The following PRKDC variants were observed in gnomAD, a reference collection of about 807,000 sequenced individuals.
PRKDC encodes the protein DNA-dependent protein kinase catalytic subunit.
In PRKDC, 82 loss-of-function variants were observed where a neutral mutation model predicts 486.9. The observed-to-expected ratio is 0.17, with a 90% CI of 0.14 to 0.20. The LOEUF (loss-of-function observed/expected upper bound fraction) is 0.20, where lower values mean the gene tolerates loss of function less well. Among genes scored for constraint, PRKDC ranks in the 10% least tolerant of loss-of-function variants. PRKDC has a pLI of 1.00. For missense variants in PRKDC, 4,504 were observed against 5,038.2 expected (o/e 0.89, Z 3.21); for synonymous variants, 1,895 against 1,837.0 (o/e 1.03, Z -0.81).
At chr8:47,830,866 G>T in intron 60 of PRKDC, 130 bp from the exon 61 acceptor site, 1 of 1,111,944 alleles carries the variant, frequency 9.0e-7, no homozygotes, top group Non-Finnish European at 1.3e-6. Flanking sequence ...GCTCGCAGAG[G>T]CTCAGTCGCC....
At position 47,929,989 on chromosome 8, in the gene PRKDC, G is replaced by C; in HGVS notation, c.1916C>G (p.Ala639Gly). 1 of 1,606,146 alleles carries C rather than the reference G, an allele frequency of 6.2e-7. No individual in the cohort carries two copies. The highest frequency in any genetic ancestry group is 2.2e-5 in the East Asian group (1 of 44,670). ...GTACACCCATGGTTCAAAAAATTCT[G>C]CTTGTTTCTCAGGGAGAATCTCTCT... ...FCREILPEKQAEFFEPWVYSF... is the reference protein window; with the variant it reads ...FCREILPEKQGEFFEPWVYSF... Residue 639 changes from alanine to glycine, a missense_variant, in exon 18 of 86, where the codon GCA becomes GGA. Ala to Gly is a moderately conservative substitution (Grantham distance 60). Coordinates refer to ENST00000314191, the MANE Select transcript of PRKDC (RefSeq NM_006904.7).
intron 64 of PRKDC, among the ~76,000 whole-genome samples, chr8:47,823,069 T>C (rs1238563507): frequency 1.3e-5 from 2 of 151,702 alleles, no homozygotes; most frequent in African/African-American, 4.8e-5. Context: ...GGCCATTCCC[T>C]TGGTGATGAG....
At chr8:47,846,369 TCA>T (rs1422318755) in intron 54 of PRKDC, among the ~76,000 whole-genome samples, 1 of 142,428 alleles carries the variant, frequency 7.0e-6, no homozygotes, top group Non-Finnish European at 1.5e-5. Context: ...TGAGCTGAGG[TCA>T]CGCCACTGCA....
At chr8:47,918,485 C>A in intron 21 of PRKDC, 102 bp from the exon 22 acceptor site, 4 of 652,382 alleles carry the variant, frequency 6.1e-6, no homozygotes, top group African/African-American at 1.9e-5. Flanking sequence ...ACATTAAAAT[C>A]CTAAATTATG....
At position 47,929,888 on chromosome 8, in the gene PRKDC, T is replaced by C; in HGVS notation, c.2017A>G (p.Thr673Ala). Residue 673 changes from threonine (T) to alanine (A), a missense_variant, in exon 18 of 86, where the codon ACA becomes GCA. Physicochemically the swap from Thr to Ala is moderately conservative, Grantham distance 58 (BLOSUM62 0). Coordinates refer to ENST00000314191, the MANE Select transcript of PRKDC (RefSeq NM_006904.7). The stretch of plus-strand genomic sequence containing the variant: ...TTTATTTTCTTGGCATTTCTTACTG[T>C]AATAGAAAGCAATTTGTAGAAACCA... The part of the protein sequence containing the change: ...ISGFYKLLSI[T>A]VRNAKKIKYF... 5.6e-6 allele frequency: 9 copies of C among 1,603,438 alleles called. No individual in the cohort carries two copies. Among genetic ancestry groups the C allele is most frequent in the Non-Finnish European group, 7.6e-6 (9 of 1,177,588 alleles).
intron 40 of PRKDC, among the ~76,000 whole-genome samples, chr8:47,874,995 C>G (rs1250061506): frequency 6.6e-6 from 1 of 152,144 alleles, no homozygotes; most frequent in African/African-American, 2.4e-5. Flanking sequence ...GAGGTCAAGG[C>G]TGCAGTGAGC....
Position 47,887,558 on chromosome 8 carries a change from A to G in PRKDC, c.4561T>C (p.Phe1521Leu). ...GGCGTTTTTCCTACCAGTCCTCCAA[A>G]AGCAAAGGCTAACTCCAGAAGTCCG... ...ASGLLELAFA[F>L]GGLCERLVSL... Residue 1521 changes from phenylalanine to leucine, a missense_variant, in exon 35 of 86, where the codon TTT (phenylalanine) becomes CTT (leucine). This residue lies in a region of PRKDC where 1,969 missense variants were observed against 2,068.9 expected (regional missense o/e 0.95). Transcript: ENST00000314191. The G allele has an allele frequency of 6.3e-7, 1 of 1,582,718 alleles. No homozygotes were observed. Among genetic ancestry groups the G allele is most frequent in the Non-Finnish European group, 8.6e-7 (1 of 1,164,958 alleles).
intron 72 of PRKDC, 147 bp from the exon 73 acceptor site, chr8:47,798,544 A>G (rs979375316): frequency 2.4e-6 from 2 of 841,808 alleles, no homozygotes. Context: ...ACCAACAAAC[A>G]CCAGGTACAG....
In PRKDC at chr8:47,953,796, G is replaced by A; in HGVS notation, c.621+11C>T. On this transcript the variant is annotated intron_variant, in intron 6 of 85. Transcript: ENST00000314191. The stretch of plus-strand genomic sequence containing the variant: ...ATCTATGGAAGCAGAATGTCATAAA[G>A]TTCATCATACCTGGGTCTTAAGTTC... The A allele has an allele frequency of 1.9e-6, 3 of 1,572,860 alleles. No individual in the cohort carries two copies. Among genetic ancestry groups the A allele is most frequent in the Non-Finnish European group, 2.6e-6 (3 of 1,156,816 alleles).
At chr8:47,919,478 T>C (rs2090039459) in intron 21 of PRKDC, among the ~76,000 whole-genome samples, 1 of 152,224 alleles carries the variant, frequency 6.6e-6, no homozygotes, top group African/African-American at 2.4e-5. Flanking sequence ...TCTACAACTA[T>C]AAAGTCATTT....
chr8:47,900,753 G>A (rs951027093), intron 27 of PRKDC, among the ~76,000 whole-genome samples: 5 of 151,914 alleles, frequency 3.3e-5, no homozygotes, highest in Admixed American at 6.6e-5. Flanking sequence ...GGAGGCTGAG[G>A]CAGGAGAATG....
intron 85 of PRKDC, 107 bp from the exon 86 acceptor site, chr8:47,774,484 G>C: frequency 9.4e-7 from 1 of 1,066,362 alleles, no homozygotes; most frequent in East Asian, 2.6e-5. Context: ...ATCACTCACA[G>C]AGTATTTTCT....
intron 64 of PRKDC, among the ~76,000 whole-genome samples, chr8:47,823,508 A>C (rs777358574): frequency 8.6e-5 from 13 of 152,042 alleles, no homozygotes; most frequent in Non-Finnish European, 1.5e-5. Flanking sequence ...GAACCAATTA[A>C]ACCTCTTTTC....
chr8:47,815,387 A>C (rs575225350), intron 68 of PRKDC, among the ~76,000 whole-genome samples: 1 of 152,292 alleles, frequency 6.6e-6, no homozygotes, highest in Non-Finnish European at 1.5e-5. Context: ...AAAAGTAAAC[A>C]CCTACCCCTA....
At chr8:47,780,775 TA>T (rs1229035516) in intron 80 of PRKDC, among the ~76,000 whole-genome samples, 1 of 151,962 alleles carries the variant, frequency 6.6e-6, no homozygotes, top group Non-Finnish European at 1.5e-5. Flanking sequence ...CCATCCCTAC[TA>T]AAAATACAAA....
At chr8:47,897,341 C>A (rs759269127) in intron 29 of PRKDC, 47 bp from the exon 30 acceptor site, 13 of 1,487,910 alleles carry the variant, frequency 8.7e-6, no homozygotes, top group Non-Finnish European at 1.2e-5. Context: ...CAACATGCAA[C>A]ATTCAGCTAC....
chr8:47,959,824 TATACAC>T (rs1408877122), intron 1 of PRKDC, 143 bp downstream of exon 1: 1 of 1,370,602 alleles, frequency 7.3e-7, no homozygotes, highest in Non-Finnish European at 9.6e-7. Flanking sequence ...CAAATCCCTT[TATACAC>T]ATACACAGAA....
In PRKDC at chr8:47,912,065, G is replaced by A. The variant is rs536584087; in HGVS notation, c.2934+345C>T. Among the ~76,000 whole-genome samples, 44 of 152,086 alleles carry A rather than the reference G, an allele frequency of 2.9e-4. No individual in the cohort carries two copies. In the South Asian group the frequency reaches 6.4e-3, roughly 22 times the overall value. On this transcript the variant is annotated intron_variant, in intron 25 of 85. Coordinates refer to ENST00000314191, the MANE Select transcript of PRKDC (RefSeq NM_006904.7). ...GGATTACAGATGTGAGCCACCGCGC[G>A]CGGCCCATGGTTATTTCTCTCTTCT...
Position 47,805,760 on chromosome 8 carries a change from A to C in PRKDC, c.9747+1377T>G, listed in dbSNP as rs147652268. On this transcript the variant is annotated intron_variant, in intron 69 of 85. Coordinates refer to ENST00000314191, the MANE Select transcript of PRKDC (RefSeq NM_006904.7). ...GACTTTGGTCTTCCTAATTACTGCCATTTCAACCGCCCAGGCTAGAAATCC... is the reference window on the plus strand; with the variant it reads ...GACTTTGGTCTTCCTAATTACTGCCCTTTCAACCGCCCAGGCTAGAAATCC... 6.9e-3 allele frequency among the ~76,000 whole-genome samples: 1,047 copies of C among 152,204 alleles called. 9 individuals carry two copies. The highest frequency in any genetic ancestry group is 0.025 in the South Asian group (120 of 4,820).
Sources: allele counts gnomAD v4.1 joint callset (sites outside exome capture counted in the v4.1 genomes callset), GRCh38; gene constraint gnomAD v4.1.1; regional missense constraint gnomAD v4.1.1; transcripts MANE v1.5; gene names NCBI Gene and HGNC (gene_info 2026-07-23, HGNC 2026-07-21).